Variants in PRRT4 observed in about 807,000 individuals in gnomAD.
The protein encoded by PRRT4 is proline rich transmembrane protein 4.
A neutral mutation model predicts 55.6 loss-of-function variants in PRRT4; 59 were observed. The ratio of observed to expected loss-of-function variants is 1.06; its 90% CI spans 0.86 to 1.32. PRRT4 has a LOEUF of 1.32. Among genes scored for constraint, PRRT4 ranks in the 40% most tolerant of loss-of-function variants. The probability of loss-of-function intolerance (pLI) is 0.00; values close to 1 mark genes in which losing one functional copy is unlikely to be tolerated. For synonymous variants in PRRT4, 606 were observed against 601.8 expected (o/e 1.01, Z -0.10); for missense variants, 1,217 against 1,222.0 (o/e 1.00, Z 0.06).
chr7:128,351,553 G>A, exon 5 of PRRT4: 2 of 1,486,154 alleles, frequency 1.3e-6, no homozygotes, highest in South Asian at 1.3e-5. Flanking sequence ...GTCCCCGCGA[G>A]CGATGGCGCT....
chr7:128,359,109 GA>G (rs1455273398), intron 3 of PRRT4, 39 bp downstream of exon 4: 1 of 1,534,342 alleles, frequency 6.5e-7, no homozygotes. Flanking sequence ...TTGGCACGTA[GA>G]GTGTTCCACA....
exon 5 of PRRT4, chr7:128,352,233 C>T: frequency 6.5e-7 from 1 of 1,538,400 alleles, no homozygotes; most frequent in Non-Finnish European, 8.7e-7. Flanking sequence ...CCAAGCAGGG[C>T]AGCGGAAGGT....
chr7:128,357,239 C>CA (rs1797132979), intron 4 of PRRT4, among the ~76,000 whole-genome samples: 1 of 68,458 alleles, frequency 1.5e-5, no homozygotes, highest in Non-Finnish European at 3.0e-5. Context: ...CACACACACT[C>CA]TCTCTCTCTC....
intron 4 of PRRT4, among the ~76,000 whole-genome samples, chr7:128,357,705 A>G (rs140157011): frequency 7.7e-4 from 118 of 152,326 alleles, no homozygotes; most frequent in African/African-American, 2.2e-3. Flanking sequence ...TGCTGAGCCT[A>G]GTGAGGGGTG....
At position 128,359,921 on chromosome 7, in the gene PRRT4, TG is replaced by T; in HGVS notation, c.70del (p.Gln24SerfsTer14). ...GGCACCTGGGATGGAGGGGGTGGGC[TG>T]GGGGCCCACAGTAGCAGCAAACAGG... On this transcript the variant is annotated frameshift_variant, in exon 2 of 5. Transcript: ENST00000535159. LOFTEE classifies it high-confidence loss of function. 1.4e-6 allele frequency: 2 copies of T among 1,448,544 alleles called. No homozygotes were observed. Among genetic ancestry groups the T allele is most frequent in the Admixed American group, 2.7e-5 (1 of 36,564 alleles). The allele number at this position is 1,448,544 out of a possible 1,614,324, so 89.7% of individuals were successfully genotyped here.
chr7:128,357,717 C>T (rs1397537430), intron 4 of PRRT4, among the ~76,000 whole-genome samples: 7 of 152,184 alleles, frequency 4.6e-5, no homozygotes, highest in Non-Finnish European at 1.0e-4. Context: ...TGAGGGGTGA[C>T]TGAGAAGTTT....
exon 5 of PRRT4, chr7:128,351,983 G>A: frequency 2.3e-6 from 3 of 1,285,522 alleles, no homozygotes; most frequent in South Asian, 4.6e-5. Flanking sequence ...GCCCCGGCCC[G>A]CCGCCGCCGC....
intron 4 of PRRT4, among the ~76,000 whole-genome samples, chr7:128,353,849 C>G (rs771253969): frequency 8.5e-5 from 13 of 152,304 alleles, no homozygotes; most frequent in Non-Finnish European, 1.9e-4. Context: ...TGCTCCAATA[C>G]CTTCCCATAT....
chr7:128,359,469 C>T (rs768223599), exon 2 of PRRT4: 59 of 1,462,626 alleles, frequency 4.0e-5, no homozygotes, highest in East Asian at 3.0e-4. Context: ...AGCTCCAGCT[C>T]GCTCTGGTGG....
exon 2 of PRRT4, chr7:128,359,447 A>G: frequency 6.8e-7 from 1 of 1,462,492 alleles, no homozygotes; most frequent in Non-Finnish European, 9.0e-7. Context: ...TCTCAGTGCC[A>G]TGTCAAACTT....
At chr7:128,359,503 T>C in exon 2 of PRRT4, 1 of 1,467,538 alleles carries the variant, frequency 6.8e-7, no homozygotes, top group Non-Finnish European at 9.0e-7. Flanking sequence ...TGGATGGAAG[T>C]GCTGTCACCA....
intron 4 of PRRT4, among the ~76,000 whole-genome samples, chr7:128,356,037 G>A (rs1485097712): frequency 6.6e-6 from 1 of 152,170 alleles, no homozygotes; most frequent in African/African-American, 2.4e-5. Flanking sequence ...GAGGTGGGCA[G>A]ATCACAAGGT....
At chr7:128,361,758 A>C (rs1797265331), upstream of PRRT4, 1 of 147,400 alleles carries the variant, frequency 6.8e-6, no homozygotes, top group Admixed American at 6.7e-5. Context: ...TCCTCCTCCC[A>C]CCCAGCCCGC....
chr7:128,359,504 G>A, exon 2 of PRRT4: 1 of 1,467,902 alleles, frequency 6.8e-7, no homozygotes, highest in Non-Finnish European at 9.0e-7. Flanking sequence ...GGATGGAAGT[G>A]CTGTCACCAT....
chr7:128,355,990 G>T (rs2116473216), intron 4 of PRRT4, among the ~76,000 whole-genome samples: 1 of 152,310 alleles, frequency 6.6e-6, no homozygotes, highest in Non-Finnish European at 1.5e-5. Context: ...GGCTGGGCTG[G>T]TGGCTCACGC....
intron 4 of PRRT4, among the ~76,000 whole-genome samples, chr7:128,357,013 C>T (rs1584685297): frequency 6.6e-6 from 1 of 152,168 alleles, no homozygotes; most frequent in South Asian, 2.1e-4. Flanking sequence ...GGCACTGATT[C>T]ACTGGTATGA....
At chr7:128,352,471 G>A in exon 5 of PRRT4, 5 of 1,539,982 alleles carry the variant, frequency 3.2e-6, no homozygotes, top group Non-Finnish European at 4.4e-6. Context: ...GGCCTCCCAG[G>A]CCAGCCCCCA....
chr7:128,351,460 C>A (rs1796966165), exon 5 of PRRT4: 1 of 1,521,110 alleles, frequency 6.6e-7, no homozygotes, highest in African/African-American at 1.4e-5. Context: ...GGCCGCCGCG[C>A]CTTCGAAGCC....
chr7:128,351,127 G>A (rs1355417194), exon 5 of PRRT4: 38 of 1,548,016 alleles, frequency 2.5e-5, no homozygotes, highest in Non-Finnish European at 3.3e-5. Flanking sequence ...GCTGTCCCGC[G>A]AGAGTCCGCA....
Sources: gnomAD v4.1 joint callset for allele counts (sites outside exome capture counted in the v4.1 genomes callset) on GRCh38, gnomAD v4.1.1 for gene constraint, MANE v1.5 for transcripts, NCBI Gene and HGNC (gene_info 2026-07-23, HGNC 2026-07-21) for gene names.